The following USP38 variants were observed in gnomAD, a reference collection of about 807,000 sequenced individuals.
USP38 encodes ubiquitin carboxyl-terminal hydrolase 38.
A neutral mutation model predicts 94.3 loss-of-function variants in USP38; 49 were observed. The ratio of observed to expected loss-of-function variants is 0.52; its 90% CI spans 0.41 to 0.66. USP38 has a LOEUF of 0.66. USP38 is among the 30% of genes least tolerant of loss of function. The pLI is 0.00. For missense variants in USP38, 1,128 were observed against 1,229.4 expected, an observed-to-expected ratio of 0.92 and a Z score of 1.23; for synonymous variants, 468 against 463.6, an observed-to-expected ratio of 1.01 and a Z score of -0.12.
chr4:143,190,415 G>A (rs997037036), intron 2 of USP38, among the ~76,000 whole-genome samples: 3 of 152,080 alleles, frequency 2.0e-5, no homozygotes, highest in Non-Finnish European at 4.4e-5. Context: ...AGTGAATCCA[G>A]TATTTGAACT....
intron 7 of USP38, among the ~76,000 whole-genome samples, chr4:143,211,991 G>A (rs1191268795): frequency 1.3e-5 from 2 of 152,014 alleles, no homozygotes; most frequent in African/African-American, 4.8e-5. Flanking sequence ...TGTCATAGAG[G>A]GATGATACCA....
At chr4:143,189,727 G>A (rs1035758619) in intron 2 of USP38, among the ~76,000 whole-genome samples, 2 of 151,892 alleles carry the variant, frequency 1.3e-5, no homozygotes, top group African/African-American at 4.8e-5. Context: ...TGCTTTGTAC[G>A]TTTGAGAAAA....
At position 143,203,533 on chromosome 4, in the gene USP38, A is replaced by G; in HGVS notation, c.1176A>G (p.Pro392=). The change falls in exon 5 of 10, where the codon CCA becomes CCG. Residue 392 remains proline (P), a synonymous_variant. Coordinates refer to ENST00000307017, the MANE Select transcript of USP38 (RefSeq NM_032557.6). ...TGATGTATCATTATTCTGGATTTCCAGATCTCTATGAACCTATTCTGGAGG... is the reference window on the plus strand; with the variant it reads ...TGATGTATCATTATTCTGGATTTCCGGATCTCTATGAACCTATTCTGGAGG... ...HCMMYHYSGF[P]DLYEPILEAI... 6.2e-7 allele frequency: 1 copy of G among 1,612,866 alleles called. No individual in the cohort carries two copies. Among genetic ancestry groups the G allele is most frequent in the Non-Finnish European group, 8.5e-7 (1 of 1,179,530 alleles).
chr4:143,203,640 A>G (rs1731779413), intron 5 of USP38, 74 bp downstream of exon 5: 1 of 1,439,624 alleles, frequency 6.9e-7, no homozygotes, highest in Non-Finnish European at 9.4e-7. Context: ...ATAACCAGCT[A>G]CTCAATTTAC....
rs369515619 is a variant in USP38 at position 143,204,696 on chromosome 4, GT to G, written c.1209+1133del. Among the ~76,000 whole-genome samples the G allele has an allele frequency of 2.2e-3, 334 of 152,172 alleles. 1 individual carries two copies. The highest frequency in any genetic ancestry group is 7.9e-3 in the African/African-American group (329 of 41,538). On this transcript the variant is annotated intron_variant, in intron 5 of 9. Coordinates refer to ENST00000307017, the MANE Select transcript of USP38 (RefSeq NM_032557.6). ...TGTGCCTAGCCTAAAAAGCACTTCT[GT>G]TTGTGTTGAAGACTGGATCACAATA...
chr4:143,189,168 G>A (rs1190748145), intron 2 of USP38, among the ~76,000 whole-genome samples: 1 of 152,004 alleles, frequency 6.6e-6, no homozygotes, highest in Non-Finnish European at 1.5e-5. Flanking sequence ...AGGATGTGAA[G>A]TAGCAAACCT....
chr4:143,190,524 T>C (rs972868813), intron 2 of USP38, among the ~76,000 whole-genome samples: 3 of 152,096 alleles, frequency 2.0e-5, no homozygotes, highest in Non-Finnish European at 2.9e-5. Flanking sequence ...GCAGAACTTA[T>C]CTTCATGGCC....
chr4:143,190,340 C>T (rs2149604104), intron 2 of USP38, among the ~76,000 whole-genome samples: 2 of 152,052 alleles, frequency 1.3e-5, no homozygotes, highest in South Asian at 4.1e-4. Context: ...TGTTATTGGC[C>T]CCATCTCATA....
At chr4:143,197,791 T>G in intron 3 of USP38, 32 bp from the exon 4 acceptor site, 1 of 1,487,910 alleles carries the variant, frequency 6.7e-7, no homozygotes, top group Middle Eastern at 1.7e-4. Flanking sequence ...TTCCTGCAAA[T>G]TCTTAAGAAG....
intron 3 of USP38, among the ~76,000 whole-genome samples, chr4:143,197,539 T>G (rs770780385): frequency 8.5e-5 from 13 of 152,198 alleles, no homozygotes; most frequent in Non-Finnish European, 5.9e-5. Flanking sequence ...GTGAACTGAA[T>G]GAATAGTGGA....
At chr4:143,201,524 C>T (rs943227170) in intron 4 of USP38, among the ~76,000 whole-genome samples, 3 of 152,044 alleles carry the variant, frequency 2.0e-5, no homozygotes, top group Non-Finnish European at 4.4e-5. Context: ...CCAAATAACT[C>T]AGTAAAGGAC....
rs967887210 is a variant in USP38, at chr4:143,223,012, C to T, written c.*2556C>T. 4 of 152,032 alleles carry T rather than the reference C, an allele frequency of 2.6e-5. No homozygotes were observed. The highest frequency in any genetic ancestry group is 9.7e-5 in the African/African-American group (4 of 41,400). 9.4% of individuals were successfully genotyped at this position (152,032 alleles called of 1,614,324 possible). ...TGCTAAGAAGCATTAGGCTTCACTG[C>T]TAGCAAAAATGAAAAACTACAAATC... On this transcript the variant is annotated 3_prime_UTR_variant, in exon 10 of 10. Coordinates refer to ENST00000307017, the MANE Select transcript of USP38 (RefSeq NM_032557.6).
intron 2 of USP38, among the ~76,000 whole-genome samples, chr4:143,194,490 T>C (rs1731487445): frequency 6.6e-6 from 1 of 152,150 alleles, no homozygotes; most frequent in African/African-American, 2.4e-5. Flanking sequence ...TCAAATTATA[T>C]GAACATTTGC....
rs1732323044 is a variant in USP38 at position 143,221,542 on chromosome 4, G to A, written c.*1086G>A. On this transcript the variant is annotated 3_prime_UTR_variant, in exon 10 of 10. Coordinates refer to ENST00000307017, the MANE Select transcript of USP38 (RefSeq NM_032557.6). ...TTTGTTTGTTTCAGTCATATGTTTGGCACTGTTGTTTCTATTTTCGTAGTT... is the reference window on the plus strand; with the variant it reads ...TTTGTTTGTTTCAGTCATATGTTTGACACTGTTGTTTCTATTTTCGTAGTT... 6.6e-6 allele frequency: 1 copy of A among 152,294 alleles called. No individual in the cohort carries two copies. The highest frequency in any genetic ancestry group is 2.1e-4 in the South Asian group (1 of 4,826). 9.4% of individuals were successfully genotyped at this position (152,294 alleles called of 1,614,324 possible). A position where few individuals can be genotyped will look rare whatever the true frequency, so the allele number is the denominator to read the frequency against.
At chr4:143,212,162 A>G (rs906163176) in intron 7 of USP38, among the ~76,000 whole-genome samples, 156 bp from the exon 8 acceptor site, 3 of 152,206 alleles carry the variant, frequency 2.0e-5, no homozygotes, top group African/African-American at 7.2e-5. Context: ...ATTTCTAAAT[A>G]ATTTTATCTG....
At chr4:143,195,562 TA>T (rs1450293235) in intron 2 of USP38, among the ~76,000 whole-genome samples, 153 bp from the exon 3 acceptor site, 2 of 152,262 alleles carry the variant, frequency 1.3e-5, no homozygotes, top group Non-Finnish European at 2.9e-5. Flanking sequence ...AAGCACCTGT[TA>T]CATTCACTTC....
At chr4:143,199,222 T>C (rs542596847) in intron 4 of USP38, among the ~76,000 whole-genome samples, 18 of 152,204 alleles carry the variant, frequency 1.2e-4, no homozygotes, top group Non-Finnish European at 2.5e-4. Flanking sequence ...CGCTTATAAG[T>C]GAAAACATGG....
At position 143,185,608 on chromosome 4, in the gene USP38, A is replaced by G; in HGVS notation, c.158A>G (p.Gln53Arg). ...DLTTRLILEG[Q>R]DPFQRQVGHQ... Reference sequence around the variant, plus strand: ...ACGACCCGGCTCATCCTGGAGGGCCAGGACCCTTTCCAGCGGCAGGTGGGG... The same window carrying G: ...ACGACCCGGCTCATCCTGGAGGGCCGGGACCCTTTCCAGCGGCAGGTGGGG... The change falls in exon 1 of 10, where the codon CAG becomes CGG. Residue 53 changes from glutamine to arginine, a missense_variant. Coordinates refer to ENST00000307017, the MANE Select transcript of USP38 (RefSeq NM_032557.6). 2 of 1,614,192 alleles carry G rather than the reference A, an allele frequency of 1.2e-6. No homozygotes were observed. The highest frequency in any genetic ancestry group is 8.5e-7 in the Non-Finnish European group (1 of 1,180,040).
At chr4:143,217,053 C>G (rs1440779315) in intron 9 of USP38, among the ~76,000 whole-genome samples, 1 of 152,174 alleles carries the variant, frequency 6.6e-6, no homozygotes, top group Admixed American at 6.6e-5. Context: ...CTCAAGTGAT[C>G]TGCCCACCTT....
Sources: allele counts gnomAD v4.1 joint callset (sites outside exome capture counted in the v4.1 genomes callset), GRCh38; gene constraint gnomAD v4.1.1; transcripts MANE v1.5; gene names NCBI Gene and HGNC (gene_info 2026-07-23, HGNC 2026-07-21).